PHLDB2: variants seen among roughly 807,000 people sequenced by gnomAD.
The protein encoded by PHLDB2 is pleckstrin homology-like domain family B member 2.
PHLDB2 carries 71 observed loss-of-function variants against 123.6 expected under a neutral mutation model. The ratio of observed to expected loss-of-function variants is 0.57; its 90% CI spans 0.47 to 0.70. PHLDB2 has a LOEUF of 0.70. Among genes scored for constraint, PHLDB2 ranks in the 30% least tolerant of loss-of-function variants. The pLI is 0.00. For missense variants in PHLDB2, 1,446 were observed against 1,519.5 expected, an observed-to-expected ratio of 0.95 and a Z score of 0.80; for synonymous variants, 547 against 541.6, an observed-to-expected ratio of 1.01 and a Z score of -0.14.
chr3:111,842,277 A>G (rs995961262), intron 1 of PHLDB2, among the ~76,000 whole-genome samples: 4 of 152,150 alleles, frequency 2.6e-5, no homozygotes, highest in Admixed American at 1.3e-4. Flanking sequence ...TTTAAAGACT[A>G]TTTTTTGGTT....
In PHLDB2 at chr3:111,972,220, A is replaced by C. The variant is rs111520130; in HGVS notation, c.3536-1512A>C. Among the ~76,000 whole-genome samples, 314 of 152,300 alleles carry C rather than the reference A, an allele frequency of 2.1e-3. 2 individuals are homozygous for C. Among genetic ancestry groups the C allele is most frequent in the African/African-American group, 6.6e-3 (274 of 41,572 alleles). On this transcript the variant is annotated intron_variant, in intron 16 of 17. Coordinates refer to ENST00000431670, the MANE Select transcript of PHLDB2 (RefSeq NM_001134438.2). ...ATATCATTTCCAGCAAATGTTTGAG[A>C]GATACATTGACCTTGTCTTTCGCAG...
At chr3:111,967,387 T>A (rs1297362400) in intron 14 of PHLDB2, among the ~76,000 whole-genome samples, 2 of 152,220 alleles carry the variant, frequency 1.3e-5, no homozygotes, top group Non-Finnish European at 2.9e-5. Flanking sequence ...ATGGGAGAGT[T>A]GCTGGTTGAT....
At chr3:111,905,124 A>AC (rs1162391374) in intron 2 of PHLDB2, among the ~76,000 whole-genome samples, 1 of 152,062 alleles carries the variant, frequency 6.6e-6, no homozygotes, top group African/African-American at 2.4e-5. Context: ...GAATAAAACC[A>AC]CCCCCCACAA....
At chr3:111,956,705 G>C (rs1367759750) in intron 12 of PHLDB2, among the ~76,000 whole-genome samples, 1 of 152,170 alleles carries the variant, frequency 6.6e-6, no homozygotes, top group African/African-American at 2.4e-5. Context: ...CTACCCAGAG[G>C]AGGAGAAGTC....
intron 2 of PHLDB2, among the ~76,000 whole-genome samples, chr3:111,853,183 A>C (rs1185373020): frequency 6.6e-6 from 1 of 152,192 alleles, no homozygotes; most frequent in African/African-American, 2.4e-5. Flanking sequence ...ACATTTTAAA[A>C]AGGAGAGGAA....
chr3:111,903,819 G>A (rs2067338886), intron 2 of PHLDB2, among the ~76,000 whole-genome samples: 1 of 152,044 alleles, frequency 6.6e-6, no homozygotes, highest in African/African-American at 2.4e-5. Context: ...AGATCCCAAG[G>A]GGAGGCACTA....
Position 111,962,142 on chromosome 3 carries a change from G to A in PHLDB2, c.2907G>A (p.Arg969=), listed in dbSNP as rs745791701. The change falls in exon 13 of 18, where the codon AGG becomes AGA. Residue 969 remains arginine (R), a synonymous_variant. Coordinates refer to ENST00000431670, the MANE Select transcript of PHLDB2 (RefSeq NM_001134438.2). ...YNHQQMSEGH[R]QKSEFYNRTA... is the part of the protein sequence containing the mutation. ...ACCAACAGATGAGTGAAGGACACAGGCAGAAATCTGAATTTTATAACCGCA... is the reference window on the plus strand; with the variant it reads ...ACCAACAGATGAGTGAAGGACACAGACAGAAATCTGAATTTTATAACCGCA... 1.3e-6 allele frequency: 2 copies of A among 1,582,670 alleles called. No homozygotes were observed. The highest frequency in any genetic ancestry group is 4.5e-5 in the East Asian group (2 of 44,412).
At chr3:111,775,896 T>G (rs374748831) in intron 1 of PHLDB2, among the ~76,000 whole-genome samples, 8 of 152,184 alleles carry the variant, frequency 5.3e-5, no homozygotes, top group Non-Finnish European at 7.3e-5. Flanking sequence ...AAAATAAGTT[T>G]TAAAAGTATG....
rs541872616 is a variant in PHLDB2, at chr3:111,850,369, G to A, written c.67+4434G>A. Among the ~76,000 whole-genome samples, 4 of 152,216 alleles carry A rather than the reference G, an allele frequency of 2.6e-5. No individual in the cohort carries two copies. The South Asian group carries it at 8.3e-4, about 32-fold the overall frequency. On this transcript the variant is annotated intron_variant, in intron 2 of 17. Coordinates refer to the PHLDB2 transcript ENST00000393923. ...TAAATGTACACTACTTGCATGATGGGTGCACTAAAATATCAAAATTCATCA... is the reference window on the plus strand; with the variant it reads ...TAAATGTACACTACTTGCATGATGGATGCACTAAAATATCAAAATTCATCA...
intron 5 of PHLDB2, among the ~76,000 whole-genome samples, chr3:111,927,683 A>G (rs941230360): frequency 1.3e-5 from 2 of 152,238 alleles, no homozygotes; most frequent in Non-Finnish European, 2.9e-5. Flanking sequence ...CATACTTAAC[A>G]TTAAAGTCAT....
chr3:111,963,115 G>A (rs1195902752), intron 13 of PHLDB2, among the ~76,000 whole-genome samples: 2 of 152,104 alleles, frequency 1.3e-5, no homozygotes, highest in Non-Finnish European at 2.9e-5. Context: ...ACAAGCAAAG[G>A]TGGTCTTAAC....
intron 8 of PHLDB2, among the ~76,000 whole-genome samples, chr3:111,944,294 C>G (rs1447008512): frequency 6.6e-6 from 1 of 151,986 alleles, no homozygotes; most frequent in East Asian, 1.9e-4. Context: ...TGCTCTTTAT[C>G]TTGTCTAGGA....
chr3:111,848,085 C>A (rs1193067239), intron 2 of PHLDB2, among the ~76,000 whole-genome samples: 2 of 152,088 alleles, frequency 1.3e-5, no homozygotes, highest in African/African-American at 4.8e-5. Context: ...CAGTATGCGA[C>A]CCTCACCTTC....
Position 111,919,111 on chromosome 3 carries a change from T to A in PHLDB2, c.1759T>A (p.Leu587Met). The stretch of plus-strand genomic sequence containing the variant: ...AAGTGAAGAACAGAGATCTCAGGAG[T>A]TGGCTGCAATGGAAGAAACCCGGAT... ...GISEEQRSQE[L>M]AAMEETRIVI... The change falls in exon 4 of 18, where the codon TTG becomes ATG. Residue 587 changes from leucine (L) to methionine (M), a missense_variant. By Grantham distance (15) the Leu-to-Met change is conservative (BLOSUM62 2). Transcript: ENST00000431670. 2 of 1,613,932 alleles carry A rather than the reference T, an allele frequency of 1.2e-6. No homozygotes were observed. The highest frequency in any genetic ancestry group is 1.7e-6 in the Non-Finnish European group (2 of 1,179,902).
rs184749197 is a variant in PHLDB2, at chr3:111,735,731, A to G, written c.-49+3028A>G. On this transcript the variant is annotated intron_variant, in intron 1 of 17. Transcript: ENST00000393923. ...AGCTAAAACACAAAGACTCATCACA[A>G]CATTTCACCTGTGTCAAGTACTTAT... Among the ~76,000 whole-genome samples, 16 of 152,330 alleles carry G rather than the reference A, an allele frequency of 1.1e-4. No homozygotes were observed. The East Asian group carries it at 3.1e-3, about 29-fold the overall frequency.
rs1422467721 is a variant in PHLDB2 at position 111,976,064 on chromosome 3, C to G, written c.*1501C>G. The G allele has an allele frequency of 6.6e-6, 1 of 152,550 alleles. No homozygotes were observed. Among genetic ancestry groups the G allele is most frequent in the Non-Finnish European group, 1.5e-5 (1 of 68,018 alleles). 9.4% of individuals were successfully genotyped at this position (152,550 alleles called of 1,614,324 possible). ...GATTTTGCAGCGATCACTTTTAAAC[C>G]CTGTAGTGATGTAAGACTAAAATAT... On this transcript the variant is annotated 3_prime_UTR_variant, in exon 18 of 18. Coordinates refer to ENST00000431670, the MANE Select transcript of PHLDB2 (RefSeq NM_001134438.2).
chr3:111,807,612 G>A (rs776872160), intron 1 of PHLDB2, among the ~76,000 whole-genome samples: 8 of 152,020 alleles, frequency 5.3e-5, no homozygotes, highest in Non-Finnish European at 1.2e-4. Context: ...TAATTTACAC[G>A]CCTGTAGTCC....
intron 1 of PHLDB2, among the ~76,000 whole-genome samples, chr3:111,830,497 A>T (rs1417588938): frequency 7.8e-6 from 1 of 128,480 alleles, no homozygotes; most frequent in African/African-American, 3.0e-5. Flanking sequence ...ACCATGAATA[A>T]GGAACATGGC....
intron 3 of PHLDB2, among the ~76,000 whole-genome samples, chr3:111,917,881 T>TG (rs1391842639): frequency 1.3e-5 from 2 of 152,138 alleles, no homozygotes; most frequent in Non-Finnish European, 2.9e-5. Flanking sequence ...ATGGGTTTTT[T>TG]GGGGGGTTAA....
Sources: allele counts gnomAD v4.1 joint callset (sites outside exome capture counted in the v4.1 genomes callset), GRCh38; gene constraint gnomAD v4.1.1; transcripts MANE v1.5; gene names NCBI Gene and HGNC (gene_info 2026-07-23, HGNC 2026-07-21).